Variants in ATAD2B observed in about 807,000 individuals in gnomAD.
The protein encoded by ATAD2B is ATPase family AAA domain containing 2B.
A neutral mutation model predicts 167.6 loss-of-function variants in ATAD2B; 40 were observed. That is an observed-to-expected ratio of 0.24 (90% CI 0.19 to 0.31). ATAD2B has a LOEUF of 0.31. Among genes scored for constraint, ATAD2B ranks in the 10% least tolerant of loss-of-function variants. ATAD2B has a pLI of 1.00. For missense variants in ATAD2B, 1,242 were observed against 1,757.2 expected, an observed-to-expected ratio of 0.71 and a Z score of 5.24; for synonymous variants, 579 against 596.5, an observed-to-expected ratio of 0.97 and a Z score of 0.43.
intron 6 of ATAD2B, among the ~76,000 whole-genome samples, chr2:23,884,070 G>A (rs1391875268): frequency 6.6e-6 from 1 of 152,130 alleles, no homozygotes; most frequent in Non-Finnish European, 1.5e-5. Flanking sequence ...CTTGAACCCA[G>A]GAGGCGGAGG....
intron 6 of ATAD2B, among the ~76,000 whole-genome samples, chr2:23,884,267 G>C (rs1044942914): frequency 6.6e-6 from 1 of 152,036 alleles, no homozygotes; most frequent in African/African-American, 2.4e-5. Flanking sequence ...GGTCAGTCTG[G>C]GTTCTTCAGT....
the ATAD2B span, chr2:23,695,529 A>T: frequency 2.3e-6 from 2 of 851,712 alleles, no homozygotes; most frequent in Non-Finnish European, 3.6e-6. This position sits in a 1 kb window ranked among gnomAD's most constrained non-coding sequence, Gnocchi z 7.6. Context: ...GCCTGGAATT[A>T]TCCATTCTTG....
intron 18 of ATAD2B, among the ~76,000 whole-genome samples, chr2:23,798,960 ATACAGAATGAATTTTTCCTC>A (rs1212001888): frequency 1.3e-5 from 2 of 152,206 alleles, no homozygotes; most frequent in African/African-American, 4.8e-5. Flanking sequence ...TTGTCAGAAA[ATACAGAATGAATTTTTCCTC>A]AGGTGTTAAA....
intron 15 of ATAD2B, among the ~76,000 whole-genome samples, chr2:23,825,994 T>C (rs1048581969): frequency 6.6e-6 from 1 of 152,102 alleles, no homozygotes; most frequent in Admixed American, 6.5e-5. Flanking sequence ...AACAGACTTA[T>C]AAAGAAGGAA....
rs968451896 is a variant in ATAD2B, at chr2:23,860,263, TAC to T, written c.1480-2762_1480-2761del. On this transcript the variant is annotated intron_variant, in intron 12 of 27. Transcript: ENST00000238789. ...CAGTAAATTTCTGTTCATTCTAAAT[TAC>T]ACAGTCTGTGATCTTCTGTTCTAAC... Among the ~76,000 whole-genome samples the T allele has an allele frequency of 1.9e-4, 29 of 152,330 alleles. No individual in the cohort carries two copies. In the South Asian group the frequency reaches 2.7e-3, roughly 14 times the overall value.
chr2:23,693,265 C>A, the ATAD2B span: 3 of 1,540,912 alleles, frequency 1.9e-6, no homozygotes, highest in African/African-American at 2.7e-5. Context: ...GCTGTCGCCC[C>A]CAGAGAAGCA....
At chr2:23,879,933 C>T (rs1558718501) in intron 7 of ATAD2B, among the ~76,000 whole-genome samples, 1 of 151,982 alleles carries the variant, frequency 6.6e-6, no homozygotes, top group Non-Finnish European at 1.5e-5. Context: ...TTGCGGGCAC[C>T]TGTAATCCCA....
At chr2:23,763,033 G>T (rs1676945348) in intron 23 of ATAD2B, among the ~76,000 whole-genome samples, 1 of 152,096 alleles carries the variant, frequency 6.6e-6, no homozygotes, top group Non-Finnish European at 1.5e-5. Flanking sequence ...TACAACTTCT[G>T]ATCCATATAT....
chr2:23,875,143 T>C (rs1696636880), intron 8 of ATAD2B, among the ~76,000 whole-genome samples: 2 of 152,046 alleles, frequency 1.3e-5, no homozygotes, highest in South Asian at 4.1e-4. Context: ...GTGGGTCATT[T>C]AGATTCAACT....
At chr2:23,700,476 C>T in the ATAD2B span, among the ~76,000 whole-genome samples, 66 of 152,276 alleles carry the variant, frequency 4.3e-4, 1 homozygote, top group African/African-American at 1.5e-3. The surrounding 1 kb of genome is among the most constrained non-coding windows in gnomAD (Gnocchi z 4.6). Flanking sequence ...ATGGTGGCCA[C>T]AGCACATCTC....
chr2:23,755,028 C>G, intron 25 of ATAD2B: 1 of 273,480 alleles, frequency 3.7e-6, no homozygotes, highest in Non-Finnish European at 6.9e-6. Context: ...ATAAGCATAT[C>G]CACTAAAAGG....
At chr2:23,779,994 C>T (rs1679754625) in intron 22 of ATAD2B, among the ~76,000 whole-genome samples, 1 of 152,004 alleles carries the variant, frequency 6.6e-6, no homozygotes, top group African/African-American at 2.4e-5. Flanking sequence ...TGGGTAATAC[C>T]AGCACTTTGG....
rs1170827041 is a variant in ATAD2B at position 23,819,822 on chromosome 2, G to T, written c.2192C>A (p.Thr731Asn). The T allele has an allele frequency of 6.2e-7, 1 of 1,600,904 alleles. No individual in the cohort carries two copies. The change falls in exon 17 of 28, where the codon ACC becomes AAC. Residue 731 changes from threonine to asparagine, a missense_variant. Physicochemically the swap from Thr to Asn is moderately conservative, Grantham distance 65. Around this residue, in one of 9 missense-constraint regions of ATAD2B, gnomAD observed 145 missense variants for 181.9 expected, o/e 0.80. Coordinates refer to ENST00000238789, the MANE Select transcript of ATAD2B (RefSeq NM_017552.4). ...CTTTGGTGATCCTGAGTGACAATTGGTCTCAAAAATTGATAAAGCATTTTC... is the reference window on the plus strand; with the variant it reads ...CTTTGGTGATCCTGAGTGACAATTGTTCTCAAAAATTGATAAAGCATTTTC... ...EDENALSIFE[T>N]NCHSGSPKKQ...
intron 17 of ATAD2B, among the ~76,000 whole-genome samples, chr2:23,811,986 C>T (rs868450294): frequency 6.6e-6 from 1 of 152,028 alleles, no homozygotes; most frequent in African/African-American, 2.4e-5. Flanking sequence ...TTAAACCAAA[C>T]TTGACTTGTA....
intron 4 of ATAD2B, 48 bp downstream of exon 4, chr2:23,887,784 T>G: frequency 6.8e-7 from 1 of 1,477,534 alleles, no homozygotes; most frequent in Non-Finnish European, 9.0e-7. Flanking sequence ...GTAACTGTCT[T>G]AAAAACCAAA....
chr2:23,877,930 T>C (rs1020644940), intron 7 of ATAD2B, among the ~76,000 whole-genome samples: 11 of 134,410 alleles, frequency 8.2e-5, no homozygotes, highest in African/African-American at 2.6e-4. Flanking sequence ...TATGGTGACA[T>C]GCACCTCAGC....
downstream of ATAD2B, among the ~76,000 whole-genome samples, chr2:23,746,790 T>A (rs967104562): frequency 6.6e-6 from 1 of 152,004 alleles, no homozygotes; most frequent in Non-Finnish European, 1.5e-5. Flanking sequence ...AAAAGCAGAG[T>A]TCCTGGCAAA....
At chr2:23,757,107 A>C (rs1362755404) in intron 25 of ATAD2B, among the ~76,000 whole-genome samples, 1 of 152,144 alleles carries the variant, frequency 6.6e-6, no homozygotes, top group Non-Finnish European at 1.5e-5. Flanking sequence ...GGATTTACTC[A>C]GCTTTCAGTC....
chr2:23,922,667 A>T (rs1473105504), intron 1 of ATAD2B, among the ~76,000 whole-genome samples: 1 of 147,974 alleles, frequency 6.8e-6, no homozygotes, highest in Non-Finnish European at 1.5e-5. Context: ...GCAGTGAACC[A>T]CTCCAGCCTG....
Sources: gnomAD v4.1 joint callset for allele counts (sites outside exome capture counted in the v4.1 genomes callset) on GRCh38, gnomAD v4.1.1 for gene constraint, gnomAD v4.1.1 regional missense constraint, Gnocchi (gnomAD v3.1) non-coding constraint, MANE v1.5 for transcripts, NCBI Gene and HGNC (gene_info 2026-07-23, HGNC 2026-07-21) for gene names.